Variants in NCALD observed in about 807,000 individuals in gnomAD.
NCALD encodes neurocalcin delta.
Under a neutral mutation model 18.6 loss-of-function variants are expected in NCALD, and 10 were observed. The observed-to-expected ratio is 0.54, with a 90% confidence interval of 0.33 to 0.91. NCALD has a LOEUF of 0.91. NCALD is among the 40% of genes least tolerant of loss of function. The pLI is 0.03. For synonymous variants in NCALD, 88 were observed against 87.4 expected (o/e 1.01, Z -0.04); for missense variants, 184 against 247.6 (o/e 0.74, Z 1.72).
intron 4 of NCALD, among the ~76,000 whole-genome samples, chr8:101,853,535 G>T (rs1815183145): frequency 6.6e-6 from 1 of 152,162 alleles, no homozygotes; most frequent in Non-Finnish European, 1.5e-5. Context: ...TCTTTCTGGT[G>T]TTAATAACCC....
At chr8:101,728,482 G>C (rs1295429658) in intron 1 of NCALD, among the ~76,000 whole-genome samples, 1 of 152,186 alleles carries the variant, frequency 6.6e-6, no homozygotes, top group African/African-American at 2.4e-5. Flanking sequence ...GCTGCAACAA[G>C]GAACCCAGTA....
intron 2 of NCALD, among the ~76,000 whole-genome samples, chr8:102,016,647 C>T (rs1460832845): frequency 6.6e-6 from 1 of 152,208 alleles, no homozygotes; most frequent in South Asian, 2.1e-4. Flanking sequence ...AAACTCAATA[C>T]TAATTACCAA....
At position 102,106,873 on chromosome 8, in the gene NCALD, T is replaced by C. The variant is rs372780207; in HGVS notation, c.-210+17364A>G. 2.9e-4 allele frequency among the ~76,000 whole-genome samples: 44 copies of C among 152,214 alleles called. No individual in the cohort carries two copies. The East Asian group carries it at 7.7e-3, about 27-fold the overall frequency. On this transcript the variant is annotated intron_variant, in intron 1 of 6. Transcript: ENST00000311028. The stretch of plus-strand genomic sequence containing the variant: ...AACAGCTAAGCCCAATCCATAAGCT[T>C]TCTTTCATTACTCAAACCACTCTCC...
At chr8:101,724,414 A>T (rs1158058911) in intron 1 of NCALD, among the ~76,000 whole-genome samples, 1 of 152,256 alleles carries the variant, frequency 6.6e-6, no homozygotes, top group East Asian at 1.9e-4. Context: ...CTGGAAAAAC[A>T]CTAGAATAAA....
intron 2 of NCALD, among the ~76,000 whole-genome samples, chr8:102,019,869 G>A (rs1822213532): frequency 6.6e-6 from 1 of 152,034 alleles, no homozygotes; most frequent in African/African-American, 2.4e-5. Context: ...AATTCAACAT[G>A]TATTTATAAT....
chr8:101,953,986 T>C (rs1819528994), intron 2 of NCALD, among the ~76,000 whole-genome samples: 1 of 152,154 alleles, frequency 6.6e-6, no homozygotes, highest in Admixed American at 6.5e-5. Context: ...AGCAACAGAA[T>C]TGCACTGCAA....
At chr8:101,788,686 C>A (rs901614318) in intron 1 of NCALD, 12 of 152,176 alleles carry the variant, frequency 7.9e-5, no homozygotes, top group African/African-American at 2.4e-4. Flanking sequence ...CTTCACCAGG[C>A]TGCCAAAGAG....
chr8:101,795,565 G>A (rs1260890554), upstream of NCALD, among the ~76,000 whole-genome samples: 1 of 152,144 alleles, frequency 6.6e-6, no homozygotes, highest in Non-Finnish European at 1.5e-5. Context: ...TCCCATTTAT[G>A]AGGGCACTAC....
At chr8:101,985,174 T>G (rs1443785630) in intron 2 of NCALD, among the ~76,000 whole-genome samples, 1 of 151,920 alleles carries the variant, frequency 6.6e-6, no homozygotes, top group East Asian at 1.9e-4. Flanking sequence ...CATGGAGGGG[T>G]GCACGTGGAC....
At chr8:101,706,341 G>A (rs1434966340) in intron 2 of NCALD, among the ~76,000 whole-genome samples, 1 of 151,868 alleles carries the variant, frequency 6.6e-6, no homozygotes, top group Non-Finnish European at 1.5e-5. Context: ...GGAGTGGTGG[G>A]GAGGTTTGGG....
At chr8:101,848,046 G>A (rs567272932) in intron 4 of NCALD, among the ~76,000 whole-genome samples, 1 of 152,296 alleles carries the variant, frequency 6.6e-6, no homozygotes, top group Admixed American at 6.5e-5. Context: ...AGACTTTGGG[G>A]GTTGAATGAG....
chr8:101,816,447 C>G (rs1813499562), intron 4 of NCALD, among the ~76,000 whole-genome samples: 1 of 152,104 alleles, frequency 6.6e-6, no homozygotes, highest in African/African-American at 2.4e-5. Flanking sequence ...AAAAATAATT[C>G]ACATCTTACT....
chr8:101,978,115 C>A (rs941952803), intron 2 of NCALD, among the ~76,000 whole-genome samples: 1 of 151,932 alleles, frequency 6.6e-6, no homozygotes, highest in African/African-American at 2.4e-5. Flanking sequence ...GTGCCCACCC[C>A]CGAGAAGTGC....
At chr8:101,957,289 GTT>G (rs11305701) in intron 2 of NCALD, among the ~76,000 whole-genome samples, 3,173 of 99,444 alleles carry the variant, frequency 0.032, 63 homozygotes, top group Admixed American at 0.071. Context: ...AAAAGTTGGG[GTT>G]TTTTTTTTTT....
At chr8:101,781,028 C>G (rs1049327563) in intron 1 of NCALD, among the ~76,000 whole-genome samples, 1 of 152,012 alleles carries the variant, frequency 6.6e-6, no homozygotes, top group East Asian at 1.9e-4. Context: ...AGTAACAGAT[C>G]GACCTTTAAA....
chr8:101,883,067 G>A (rs1002864091), intron 4 of NCALD, among the ~76,000 whole-genome samples: 28 of 152,254 alleles, frequency 1.8e-4, no homozygotes, highest in African/African-American at 6.3e-4. Flanking sequence ...GTATAATAAG[G>A]TCTTTTTGTA....
chr8:101,775,903 G>A (rs1811772114), intron 1 of NCALD, among the ~76,000 whole-genome samples: 1 of 152,168 alleles, frequency 6.6e-6, no homozygotes, highest in African/African-American at 2.4e-5. Context: ...TGGCTCCTGA[G>A]TCATACAACT....
chr8:101,834,629 A>G (rs1454992249), intron 4 of NCALD, among the ~76,000 whole-genome samples: 4 of 152,234 alleles, frequency 2.6e-5, no homozygotes, highest in African/African-American at 4.8e-5. Context: ...ACTGCCAGGT[A>G]GCACATGTAG....
At chr8:102,118,655 T>C (rs1825858991) in intron 1 of NCALD, among the ~76,000 whole-genome samples, 3 of 151,988 alleles carry the variant, frequency 2.0e-5, no homozygotes, top group South Asian at 4.1e-4. Context: ...GATAGACATA[T>C]TTTCAGTTGT....
Sources: gnomAD v4.1 joint callset for allele counts (sites outside exome capture counted in the v4.1 genomes callset) on GRCh38, gnomAD v4.1.1 for gene constraint, MANE v1.5 for transcripts, NCBI Gene and HGNC (gene_info 2026-07-23, HGNC 2026-07-21) for gene names.